The following CCDC32 variants were observed in gnomAD, a reference collection of about 807,000 sequenced individuals.
CCDC32 encodes coiled-coil domain-containing protein 32.
CCDC32 carries 9 observed loss-of-function variants against 20.1 expected under a neutral mutation model. The ratio of observed to expected loss-of-function variants is 0.45; its 90% CI spans 0.27 to 0.78. CCDC32 has a LOEUF of 0.78. Ranked by LOEUF, CCDC32 falls within the 30% of genes least tolerant of loss-of-function variation. The pLI is 0.16. For missense variants in CCDC32, 204 were observed against 215.5 expected (o/e 0.95, Z 0.33); for synonymous variants, 63 against 79.0 (o/e 0.80, Z 1.07).
chr15:40,548,599 A>G (rs1889716234), downstream of CCDC32, among the ~76,000 whole-genome samples: 1 of 152,048 alleles, frequency 6.6e-6, no homozygotes, highest in Non-Finnish European at 1.5e-5. Flanking sequence ...AAACTGGGGG[A>G]TGAAATCATT....
intron 3 of CCDC32, among the ~76,000 whole-genome samples, chr15:40,543,581 A>C (rs894099419): frequency 6.6e-6 from 1 of 152,124 alleles, no homozygotes; most frequent in Non-Finnish European, 1.5e-5. Flanking sequence ...CAGCCTCCTA[A>C]GTAGCTGGGA....
chr15:40,532,315 A>G, downstream of CCDC32: 1 of 702,970 alleles, frequency 1.4e-6, no homozygotes. Context: ...GGAAAAGAAG[A>G]GTACGTAGAT....
chr15:40,525,361 C>T (rs1478430891), downstream of CCDC32, among the ~76,000 whole-genome samples: 1 of 151,828 alleles, frequency 6.6e-6, no homozygotes, highest in Non-Finnish European at 1.5e-5. Context: ...CAGGGTTTCA[C>T]TATGTTGGCC....
chr15:40,563,864 A>C (rs1890833822), intron 1 of CCDC32, among the ~76,000 whole-genome samples: 1 of 148,186 alleles, frequency 6.7e-6, no homozygotes, highest in African/African-American at 2.5e-5. Flanking sequence ...TCTGTCGCCC[A>C]GGCTGGAGTG....
chr15:40,538,924 T>C (rs73384327), downstream of CCDC32: 1,441 of 386,548 alleles, frequency 3.7e-3, 18 homozygotes, highest in African/African-American at 0.027. Flanking sequence ...CGCTGCCAAC[T>C]GGGGGCCTGA....
At chr15:40,558,967 C>T (rs1890439006) in intron 2 of CCDC32, among the ~76,000 whole-genome samples, 1 of 151,926 alleles carries the variant, frequency 6.6e-6, no homozygotes, top group Non-Finnish European at 1.5e-5. Flanking sequence ...TCACACGTGG[C>T]TAATTTTTGT....
intron 2 of CCDC32, 60 bp downstream of exon 2, chr15:40,562,712 A>T (rs1163882654): frequency 2.6e-6 from 4 of 1,546,428 alleles, no homozygotes; most frequent in Non-Finnish European, 3.5e-6. Flanking sequence ...ACAAAAGAAT[A>T]GGAAACCAAG....
At chr15:40,541,360 T>G (rs1374090606) in intron 3 of CCDC32, among the ~76,000 whole-genome samples, 7 of 148,650 alleles carry the variant, frequency 4.7e-5, no homozygotes, top group Non-Finnish European at 1.0e-4. Context: ...TGAGACGGAG[T>G]CTCGCTCTGT....
At chr15:40,525,599 G>A (rs1894891428), downstream of CCDC32, among the ~76,000 whole-genome samples, 1 of 152,174 alleles carries the variant, frequency 6.6e-6, no homozygotes, top group African/African-American at 2.4e-5. Flanking sequence ...TCCTTCTCAG[G>A]CCACTGTAAC....
chr15:40,542,368 A>G (rs578140216), intron 3 of CCDC32, among the ~76,000 whole-genome samples: 68 of 152,292 alleles, frequency 4.5e-4, no homozygotes, highest in African/African-American at 1.6e-3. Flanking sequence ...TTCTATGGAA[A>G]ACAATCTTAT....
At chr15:40,537,105 A>G (rs906362784), downstream of CCDC32, 1 of 152,226 alleles carries the variant, frequency 6.6e-6, no homozygotes, top group Non-Finnish European at 1.5e-5. Context: ...AACCAAGAGA[A>G]TCTAGAATTC....
At chr15:40,564,935 G>C (rs968318971) in intron 1 of CCDC32, 41 bp downstream of exon 1, 11 of 897,122 alleles carry the variant, frequency 1.2e-5, no homozygotes, top group Admixed American at 7.7e-5. Context: ...GCCAGAGTGG[G>C]AGATCCAAAA....
downstream of CCDC32, among the ~76,000 whole-genome samples, chr15:40,527,514 T>C (rs149751918): frequency 2.6e-4 from 39 of 152,326 alleles, no homozygotes; most frequent in African/African-American, 8.7e-4. Context: ...GTTTGAATAT[T>C]TGTACCCTCC....
Position 40,553,418 on chromosome 15 carries a change from C to G in CCDC32, c.*553G>C, listed in dbSNP as rs1167149968. The G allele has an allele frequency of 1.0e-6, 1 of 985,258 alleles. No homozygotes were observed. Among genetic ancestry groups the G allele is most frequent in the Non-Finnish European group, 1.2e-6 (1 of 829,934 alleles). 61.0% of individuals were successfully genotyped at this position (985,258 alleles called of 1,614,324 possible). A position where few individuals can be genotyped will look rare whatever the true frequency, so the allele number is the denominator to read the frequency against. On this transcript the variant is annotated 3_prime_UTR_variant, in exon 4 of 4. Transcript: ENST00000416810. ...AGAGAAAGAAGCCCAGCCTCTCTCC[C>G]TGGAGTCCGTATACTTACTACAGAT...
downstream of CCDC32, among the ~76,000 whole-genome samples, chr15:40,534,154 C>G (rs576805340): frequency 3.3e-5 from 5 of 152,304 alleles, no homozygotes; most frequent in Admixed American, 1.3e-4. Flanking sequence ...GTGGAAAGAT[C>G]ACTGCAGCAG....
chr15:40,553,078 A>G (rs1436988430), downstream of CCDC32: 7 of 977,524 alleles, frequency 7.2e-6, no homozygotes, highest in African/African-American at 1.8e-5. Flanking sequence ...AATCGAGTCA[A>G]CAGCACCACA....
chr15:40,532,133 T>C (rs1888899871), downstream of CCDC32: 1 of 539,638 alleles, frequency 1.9e-6, no homozygotes, highest in Non-Finnish European at 3.3e-6. Flanking sequence ...GTTCACTTTT[T>C]TCTTCTCTAG....
At chr15:40,540,256 A>G (rs1295499971) in intron 3 of CCDC32, among the ~76,000 whole-genome samples, 1 of 152,172 alleles carries the variant, frequency 6.6e-6, no homozygotes, top group Non-Finnish European at 1.5e-5. Context: ...CACTGCCTCT[A>G]ACATCAGTGC....
At chr15:40,547,817 G>A (rs1040530370) in intron 3 of CCDC32, among the ~76,000 whole-genome samples, 1 of 152,168 alleles carries the variant, frequency 6.6e-6, no homozygotes, top group Admixed American at 6.5e-5. Flanking sequence ...GCATCACCAA[G>A]GAAGAACAGT....
Sources: gnomAD v4.1 joint callset for allele counts (sites outside exome capture counted in the v4.1 genomes callset) on GRCh38, gnomAD v4.1.1 for gene constraint, MANE v1.5 for transcripts, NCBI Gene and HGNC (gene_info 2026-07-23, HGNC 2026-07-21) for gene names.